ESR2: variants seen among roughly 807,000 people sequenced by gnomAD.
ESR2 encodes estrogen receptor 2.
A neutral mutation model predicts 49.6 loss-of-function variants in ESR2; 36 were observed. The observed-to-expected ratio is 0.73, with a 90% confidence interval of 0.56 to 0.96. The LOEUF is 0.96. ESR2 is among the 40% of genes least tolerant of loss of function. The pLI is 0.00. For missense variants in ESR2, 714 were observed against 693.0 expected (o/e 1.03, Z -0.34); for synonymous variants, 320 against 266.1 (o/e 1.20, Z -1.97).
intron 1 of ESR2, among the ~76,000 whole-genome samples, chr14:64,318,132 A>C (rs563487683): frequency 1.3e-5 from 2 of 152,352 alleles, no homozygotes; most frequent in African/African-American, 4.8e-5. Context: ...TTCTGGAACT[A>C]ATAAACAATT....
chr14:64,247,524 T>C (rs1020138272), intron 7 of ESR2, among the ~76,000 whole-genome samples: 3 of 152,330 alleles, frequency 2.0e-5, no homozygotes, highest in Non-Finnish European at 2.9e-5. Flanking sequence ...TATGATCTGA[T>C]ATATCCCTGT....
chr14:64,323,290 C>A (rs931020664), intron 1 of ESR2, among the ~76,000 whole-genome samples: 4 of 152,176 alleles, frequency 2.6e-5, no homozygotes, highest in Non-Finnish European at 1.5e-5. Flanking sequence ...TCACTGCAAC[C>A]TCTGCCTCCC....
chr14:64,305,306 A>T (rs989514614), intron 1 of ESR2, among the ~76,000 whole-genome samples: 9 of 151,402 alleles, frequency 5.9e-5, no homozygotes, highest in Non-Finnish European at 8.8e-5. Flanking sequence ...AAAAAAAAAA[A>T]AATTAATTAA....
At chr14:64,260,170 GA>G in intron 5 of ESR2, 2 of 678,302 alleles carry the variant, frequency 2.9e-6, no homozygotes. Context: ...GTCAAGAATA[GA>G]AATGGCTGGG....
chr14:64,292,539 TC>T (rs1358803145), intron 1 of ESR2, among the ~76,000 whole-genome samples: 2 of 152,210 alleles, frequency 1.3e-5, no homozygotes, highest in Non-Finnish European at 2.9e-5. Context: ...AATTATGAAA[TC>T]TAACGTTCAA....
At position 64,260,280 on chromosome 14, in the gene ESR2, C is replaced by A. The variant is rs566587807; in HGVS notation, c.952+169G>T. The A allele has an allele frequency of 6.3e-4, 502 of 799,324 alleles. 9 individuals are homozygous for A. The South Asian group carries it at 6.4e-3, about 10-fold the overall frequency. The allele number at this position is 799,324 out of a possible 1,614,324, so 49.5% of individuals were successfully genotyped here. On this transcript the variant is annotated intron_variant, in intron 5 of 8. Transcript: ENST00000341099. ...ACGGCCTTGTTGAAGGTAGGTATGC[C>A]AAGACAGAAGGAAGGAACATATTGC...
chr14:64,313,530 C>CAAA lies in ESR2; in HGVS notation c.-91+24365_-91+24367dup, dbSNP rs60380584. On this transcript the variant is annotated intron_variant, in intron 1 of 8. Transcript: ENST00000358599. Reference sequence around the variant, plus strand: ...GCCTGGGGCAACAGTGAGGCTCTGTCAAAAAAAAAAAAAAAGAAAAGAAAA... The same window carrying CAAA: ...GCCTGGGGCAACAGTGAGGCTCTGTCAAAAAAAAAAAAAAAAAAGAAAAGAAAA... 5.7e-3 allele frequency among the ~76,000 whole-genome samples: 612 copies of CAAA among 107,408 alleles called. 12 individuals carry two copies. Among genetic ancestry groups the CAAA allele is most frequent in the African/African-American group, 0.019 (555 of 28,824 alleles). 70.5% of individuals were successfully genotyped at this position (107,408 alleles called of 152,430 possible).
intron 6 of ESR2, among the ~76,000 whole-genome samples, chr14:64,251,816 A>G (rs1179511512): frequency 6.6e-6 from 1 of 152,226 alleles, no homozygotes; most frequent in Admixed American, 6.5e-5. Context: ...AACCAAATAC[A>G]TTTCAACAAA....
intron 6 of ESR2, among the ~76,000 whole-genome samples, chr14:64,252,993 T>A (rs61984406): frequency 0.068 from 10,355 of 151,910 alleles, 494 homozygotes; most frequent in Non-Finnish European, 0.098. Context: ...GTAGCTGGGA[T>A]TACAGGCACA....
chr14:64,270,470 A>G (rs1193535421), intron 3 of ESR2, among the ~76,000 whole-genome samples: 5 of 152,070 alleles, frequency 3.3e-5, no homozygotes, highest in African/African-American at 1.2e-4. Flanking sequence ...TAAACTGGAC[A>G]TGTTACATGC....
At chr14:64,315,943 A>C (rs1781944654) in intron 1 of ESR2, among the ~76,000 whole-genome samples, 1 of 151,782 alleles carries the variant, frequency 6.6e-6, no homozygotes, top group Admixed American at 6.6e-5. Context: ...ATGTGCCACC[A>C]CGCCTGGCCT....
chr14:64,251,824 A>C (rs564122761), intron 6 of ESR2, among the ~76,000 whole-genome samples: 13 of 152,372 alleles, frequency 8.5e-5, no homozygotes, highest in Admixed American at 3.9e-4. Flanking sequence ...ACATTTCAAC[A>C]AAATAAATGA....
chr14:64,252,310 TA>T (rs1371158093), intron 6 of ESR2, among the ~76,000 whole-genome samples: 108 of 134,426 alleles, frequency 8.0e-4, no homozygotes, highest in Middle Eastern at 4.0e-3. Flanking sequence ...GGACCGTCTC[TA>T]AAAAAAAAAA....
chr14:64,246,272 G>T (rs1160718097), intron 7 of ESR2, among the ~76,000 whole-genome samples: 2 of 152,142 alleles, frequency 1.3e-5, no homozygotes, highest in African/African-American at 4.8e-5. Flanking sequence ...GGAGGTAATT[G>T]AATCATGGGG....
At chr14:64,269,868 A>C (rs2140767704) in intron 3 of ESR2, among the ~76,000 whole-genome samples, 1 of 152,292 alleles carries the variant, frequency 6.6e-6, no homozygotes, top group South Asian at 2.1e-4. Flanking sequence ...ATTATTTCAG[A>C]TGCAGTACGA....
rs891971858 is a variant in ESR2, at chr14:64,231,629, T to C, written c.*1508A>G. 1.3e-5 allele frequency: 2 copies of C among 152,204 alleles called. No homozygotes were observed. The highest frequency in any genetic ancestry group is 2.9e-5 in the Non-Finnish European group (2 of 68,034). 9.4% of individuals were successfully genotyped at this position (152,204 alleles called of 1,614,324 possible). A position where few individuals can be genotyped will look rare whatever the true frequency, so the allele number is the denominator to read the frequency against. On this transcript the variant is annotated 3_prime_UTR_variant, in exon 9 of 9. Coordinates refer to ENST00000341099, the MANE Select transcript of ESR2 (RefSeq NM_001437.3). ...GTCTTGGTAACACTGAATGCAGTCT[T>C]CCTAATGACTTAGTAAATACAGGAT...
chr14:64,324,736 C>T (rs1428985862), intron 1 of ESR2, among the ~76,000 whole-genome samples: 3 of 152,108 alleles, frequency 2.0e-5, no homozygotes, highest in African/African-American at 7.2e-5. Context: ...TGATAGTTAA[C>T]AGTTACGTTT....
chr14:64,296,043 CAAA>C (rs34335763), upstream of ESR2, among the ~76,000 whole-genome samples: 1,846 of 89,128 alleles, frequency 0.021, 15 homozygotes, highest in South Asian at 0.032. Context: ...GACTCTGTCT[CAAA>C]AAAAAAAAAA....
intron 1 of ESR2, among the ~76,000 whole-genome samples, chr14:64,303,875 A>T (rs907569521): frequency 1.3e-5 from 2 of 152,260 alleles, no homozygotes; most frequent in African/African-American, 4.8e-5. Context: ...ACTGAGAAAG[A>T]CTGCCAAGAT....
Sources: gnomAD v4.1 joint callset for allele counts (sites outside exome capture counted in the v4.1 genomes callset) on GRCh38, gnomAD v4.1.1 for gene constraint, MANE v1.5 for transcripts, NCBI Gene and HGNC (gene_info 2026-07-23, HGNC 2026-07-21) for gene names.